The following DYNLT5 variants were observed in gnomAD, a reference collection of about 807,000 sequenced individuals.
DYNLT5 encodes dynein light chain Tctex-type 5.
A neutral mutation model predicts 19.3 loss-of-function variants in DYNLT5; 25 were observed. The observed-to-expected ratio is 1.30, with a 90% CI of 0.95 to 1.81. DYNLT5 has a LOEUF of 1.81. Ranked by LOEUF, DYNLT5 falls within the 40% of genes most tolerant of loss-of-function variation. The pLI, the probability that DYNLT5 is intolerant of heterozygous loss-of-function variation, is 0.00. For missense variants in DYNLT5, 232 were observed against 217.9 expected, an observed-to-expected ratio of 1.06 and a Z score of -0.41; for synonymous variants, 82 against 68.9, an observed-to-expected ratio of 1.19 and a Z score of -0.94.
intron 3 of DYNLT5, among the ~76,000 whole-genome samples, chr1:66,774,362 A>G (rs1645222599): frequency 6.6e-6 from 1 of 151,946 alleles, no homozygotes; most frequent in African/African-American, 2.4e-5. Flanking sequence ...ACCATGCCCT[A>G]GGCTTGGGTT....
intron 1 of DYNLT5, among the ~76,000 whole-genome samples, chr1:66,754,190 T>C (rs1166565020): frequency 6.6e-6 from 1 of 152,186 alleles, no homozygotes; most frequent in Non-Finnish European, 1.5e-5. Context: ...TAGTGAGCCA[T>C]GATCATGCCA....
chr1:66,754,465 G>T (rs2094632501), intron 1 of DYNLT5, among the ~76,000 whole-genome samples, 191 bp from the exon 2 acceptor site: 1 of 152,048 alleles, frequency 6.6e-6, no homozygotes, highest in Non-Finnish European at 1.5e-5. Context: ...AGCATTTTCA[G>T]AGTTATCATA....
chr1:66,753,368 G>A (rs1349690464), intron 1 of DYNLT5, among the ~76,000 whole-genome samples: 1 of 152,200 alleles, frequency 6.6e-6, no homozygotes, highest in Non-Finnish European at 1.5e-5. Flanking sequence ...TAATTTAAAT[G>A]AATACTTAAA....
At chr1:66,776,083 G>A in intron 3 of DYNLT5, 196 bp from the exon 4 acceptor site, 1 of 559,948 alleles carries the variant, frequency 1.8e-6, no homozygotes, top group Non-Finnish European at 2.9e-6. Flanking sequence ...TCACGTAAAT[G>A]TACGAAAATA....
chr1:66,771,356 T>C (rs556407742), intron 3 of DYNLT5, among the ~76,000 whole-genome samples: 1 of 152,354 alleles, frequency 6.6e-6, no homozygotes, highest in African/African-American at 2.4e-5. Flanking sequence ...GTAACCTCAC[T>C]AAATTTCCTT....
chr1:66,765,392 A>T, intron 2 of DYNLT5, among the ~76,000 whole-genome samples: 1 of 152,322 alleles, frequency 6.6e-6, no homozygotes, highest in East Asian at 1.9e-4. Flanking sequence ...GCTTCAAAAC[A>T]TCTAGGTATA....
intron 3 of DYNLT5, among the ~76,000 whole-genome samples, chr1:66,774,467 A>G (rs116738142): frequency 3.3e-5 from 5 of 152,098 alleles, no homozygotes; most frequent in African/African-American, 1.2e-4. Context: ...AACAATTTCT[A>G]TATTATCATC....
chr1:66,759,593 A>G (rs1439886535), intron 2 of DYNLT5, among the ~76,000 whole-genome samples: 2 of 152,220 alleles, frequency 1.3e-5, no homozygotes, highest in Admixed American at 1.3e-4. Context: ...AATTTTCAGA[A>G]ACAAAGCCCA....
rs751850943 is a variant in DYNLT5 at position 66,778,380 on chromosome 1, G to A, written c.*926G>A. 7 of 152,522 alleles carry A rather than the reference G, an allele frequency of 4.6e-5. No individual in the cohort carries two copies. The highest frequency in any genetic ancestry group is 8.8e-5 in the Non-Finnish European group (6 of 68,018). The allele number at this position is 152,522 out of a possible 1,614,324, so 9.4% of individuals were successfully genotyped here. A position where few individuals can be genotyped will look rare whatever the true frequency, so the allele number is the denominator to read the frequency against. On this transcript the variant is annotated 3_prime_UTR_variant, in exon 5 of 5. Transcript: ENST00000282670. ...GACCCAGTGAGGTTTTTGAATAGAC[G>A]GGTGCTAAAATTTACAGGGCTGAAA...
At chr1:66,771,135 G>A (rs1572550665) in intron 3 of DYNLT5, among the ~76,000 whole-genome samples, 2 of 152,148 alleles carry the variant, frequency 1.3e-5, no homozygotes, top group African/African-American at 4.8e-5. Context: ...GACTCTATGG[G>A]CCAAGGTGAT....
In DYNLT5 at chr1:66,752,460, G is replaced by C; in HGVS notation, c.-128G>C. On this transcript the variant is annotated 5_prime_UTR_variant, in exon 1 of 5. Coordinates refer to ENST00000282670, the MANE Select transcript of DYNLT5 (RefSeq NM_152665.3). ...GAGGTCACCCTGGAGACCGGCCTCA[G>C]AGTCCAGGGAGAGTGCGCGGGCGGC... 1 of 985,338 alleles carries C rather than the reference G, an allele frequency of 1.0e-6. No homozygotes were observed. The highest frequency in any genetic ancestry group is 1.2e-6 in the Non-Finnish European group (1 of 829,832). 61.0% of individuals were successfully genotyped at this position (985,338 alleles called of 1,614,324 possible).
rs766529244 is a variant in DYNLT5 at position 66,754,641 on chromosome 1, AG to A, written c.-3-14del. The A allele has an allele frequency of 5.0e-6, 8 of 1,584,936 alleles. No homozygotes were observed. The East Asian group carries it at 1.8e-4, about 36-fold the overall frequency. ...GATCTTTCTTTTGCTATTTTACAAA[AG>A]TCTTCTTCCATAGGTTATGATGATG... On this transcript the variant is annotated splice_polypyrimidine_tract_variant and intron_variant, in intron 1 of 4. Coordinates refer to ENST00000282670, the MANE Select transcript of DYNLT5 (RefSeq NM_152665.3).
chr1:66,776,500 A>G, intron 4 of DYNLT5, 97 bp downstream of exon 4: 3 of 1,424,726 alleles, frequency 2.1e-6, no homozygotes, highest in Non-Finnish European at 2.8e-6. Flanking sequence ...ATTAATTTGC[A>G]GTAACAGTTA....
rs778874966 is a variant in DYNLT5, at chr1:66,776,276, C to T, written c.212-3C>T. 1.2e-6 allele frequency: 2 copies of T among 1,611,144 alleles called. No homozygotes were observed. The highest frequency in any genetic ancestry group is 1.7e-6 in the Non-Finnish European group (2 of 1,178,524). On this transcript the variant is annotated splice_polypyrimidine_tract_variant and splice_region_variant and intron_variant, in intron 3 of 4. Coordinates refer to ENST00000282670, the MANE Select transcript of DYNLT5 (RefSeq NM_152665.3). ...TAGAAATAAATTTTATGTGTATTTT[C>T]AGGTCCTCCCAAACATTTTCCTGTG... is the stretch of plus-strand genomic sequence containing the variant.
chr1:66,774,117 G>A (rs1047222319), intron 3 of DYNLT5, among the ~76,000 whole-genome samples: 1 of 151,984 alleles, frequency 6.6e-6, no homozygotes, highest in Non-Finnish European at 1.5e-5. Flanking sequence ...ACAGACTCAA[G>A]TGCCACCAGG....
chr1:66,774,404 C>A (rs1645222890), intron 3 of DYNLT5, among the ~76,000 whole-genome samples: 1 of 27,492 alleles, frequency 3.6e-5, no homozygotes, highest in Admixed American at 2.3e-4. Context: ...CTTTAAGAAC[C>A]ACTTTCTAGA....
At chr1:66,754,916 C>A (rs1267152926) in intron 2 of DYNLT5, 139 bp downstream of exon 2, 5 of 781,910 alleles carry the variant, frequency 6.4e-6, no homozygotes, top group Non-Finnish European at 8.9e-6. Context: ...TCTTTAGGGG[C>A]CATATTTAAA....
intron 3 of DYNLT5, among the ~76,000 whole-genome samples, chr1:66,771,774 G>C (rs1645205594): frequency 6.6e-6 from 1 of 152,186 alleles, no homozygotes; most frequent in South Asian, 2.1e-4. Context: ...CATGCTGGAA[G>C]GGTTTGAATC....
intron 2 of DYNLT5, among the ~76,000 whole-genome samples, chr1:66,758,856 C>A (rs1212590877): frequency 6.6e-6 from 1 of 152,040 alleles, no homozygotes; most frequent in South Asian, 2.1e-4. Context: ...GAGCTGTTTA[C>A]GGGCAATTGA....
Sources: allele counts gnomAD v4.1 joint callset (sites outside exome capture counted in the v4.1 genomes callset), GRCh38; gene constraint gnomAD v4.1.1; transcripts MANE v1.5; gene names NCBI Gene and HGNC (gene_info 2026-07-23, HGNC 2026-07-21).